The following NOL4 variants were observed in gnomAD, a reference collection of about 807,000 sequenced individuals.
NOL4 encodes the protein nucleolar protein 4.
A neutral mutation model predicts 75.9 loss-of-function variants in NOL4; 17 were observed. The ratio of observed to expected loss-of-function variants is 0.22; its 90% confidence interval spans 0.15 to 0.34. NOL4 has a LOEUF of 0.34. Ranked by LOEUF, NOL4 falls within the 10% of genes least tolerant of loss-of-function variation. The pLI is 1.00. For synonymous variants in NOL4, 292 were observed against 289.9 expected, an observed-to-expected ratio of 1.01 and a Z score of -0.07; for missense variants, 614 against 793.5, an observed-to-expected ratio of 0.77 and a Z score of 2.72.
intron 5 of NOL4, among the ~76,000 whole-genome samples, chr18:34,052,698 G>T (rs1288261442): frequency 6.6e-6 from 1 of 151,924 alleles, no homozygotes; most frequent in Non-Finnish European, 1.5e-5. Flanking sequence ...AGTACAGATG[G>T]ACAAAAACAT....
intron 9 of NOL4, among the ~76,000 whole-genome samples, chr18:33,924,785 T>C (rs1471693967): frequency 6.6e-6 from 1 of 152,178 alleles, no homozygotes; most frequent in African/African-American, 2.4e-5. Context: ...TGTTGCTACA[T>C]AGAGAACTAG....
intron 1 of NOL4, among the ~76,000 whole-genome samples, chr18:34,149,000 C>T (rs2081530040): frequency 6.6e-6 from 1 of 151,482 alleles, no homozygotes; most frequent in African/African-American, 2.4e-5. Context: ...ATATAGGGTT[C>T]CTCTGAAGAT....
intron 6 of NOL4, among the ~76,000 whole-genome samples, chr18:33,990,204 T>C (rs1039801608): frequency 6.6e-6 from 1 of 152,092 alleles, no homozygotes; most frequent in Non-Finnish European, 1.5e-5. Flanking sequence ...CTTTACAAAA[T>C]AACCTCTCTT....
At chr18:33,961,521 T>C (rs1364999470) in intron 6 of NOL4, among the ~76,000 whole-genome samples, 2 of 152,128 alleles carry the variant, frequency 1.3e-5, no homozygotes, top group South Asian at 4.1e-4. Flanking sequence ...AGCTTGCAGA[T>C]AGCAGATCAT....
chr18:34,222,671 C>A (rs963584888), intron 1 of NOL4, among the ~76,000 whole-genome samples: 3 of 146,514 alleles, frequency 2.0e-5, no homozygotes, highest in African/African-American at 4.9e-5. Flanking sequence ...GGACAATGGC[C>A]CAGCCCGAGG....
At chr18:33,883,173 A>G in intron 10 of NOL4, 71 bp downstream of exon 10, 2 of 1,140,850 alleles carry the variant, frequency 1.8e-6, no homozygotes, top group African/African-American at 1.6e-5. Flanking sequence ...AACCTGCGCA[A>G]TGTGCACATG....
chr18:33,998,870 C>T (rs866489954), intron 6 of NOL4, among the ~76,000 whole-genome samples: 25 of 152,228 alleles, frequency 1.6e-4, no homozygotes, highest in Non-Finnish European at 3.4e-4. Context: ...CCTCACTCTT[C>T]TTCCCCTTCC....
At chr18:33,989,298 A>T (rs2146088554) in intron 6 of NOL4, among the ~76,000 whole-genome samples, 1 of 151,680 alleles carries the variant, frequency 6.6e-6, no homozygotes, top group Non-Finnish European at 1.5e-5. Flanking sequence ...GCCATTCACC[A>T]TTGCATCCTA....
At chr18:33,920,583 A>T (rs73955081) in intron 9 of NOL4, among the ~76,000 whole-genome samples, 2,247 of 152,338 alleles carry the variant, frequency 0.015, 63 homozygotes, top group African/African-American at 0.051. Flanking sequence ...TTCAGATAGC[A>T]TGCTCTGAAA....
At chr18:34,111,323 T>C (rs937794104) in intron 2 of NOL4, among the ~76,000 whole-genome samples, 1 of 152,138 alleles carries the variant, frequency 6.6e-6, no homozygotes, top group Admixed American at 6.5e-5. Flanking sequence ...GTTTTAAAAA[T>C]AGGCTGCTAT....
At chr18:33,887,613 C>G (rs1362732636) in intron 9 of NOL4, among the ~76,000 whole-genome samples, 1 of 151,914 alleles carries the variant, frequency 6.6e-6, no homozygotes, top group Non-Finnish European at 1.5e-5. Context: ...TGTTCCCTGC[C>G]TTGTGTCCAT....
At chr18:33,968,318 A>T (rs1222762680) in intron 6 of NOL4, among the ~76,000 whole-genome samples, 2 of 152,176 alleles carry the variant, frequency 1.3e-5, no homozygotes, top group Admixed American at 6.5e-5. Context: ...TTTACCAAAA[A>T]GACACATGCA....
intron 1 of NOL4, among the ~76,000 whole-genome samples, chr18:34,196,840 T>A (rs1038437321): frequency 1.3e-5 from 2 of 152,096 alleles, no homozygotes; most frequent in African/African-American, 4.8e-5. Flanking sequence ...ATATATGGTA[T>A]ACAAACTATT....
intron 6 of NOL4, among the ~76,000 whole-genome samples, chr18:33,980,670 G>A (rs1247103008): frequency 6.6e-6 from 1 of 151,888 alleles, no homozygotes; most frequent in Non-Finnish European, 1.5e-5. Context: ...GTTTACTAAA[G>A]ACTAAGACCT....
rs1761088825 is a variant in NOL4 at position 34,097,943 on chromosome 18, T to C, written c.640-4346A>G. On this transcript the variant is annotated intron_variant, in intron 4 of 10. Coordinates refer to ENST00000261592, the MANE Select transcript of NOL4 (RefSeq NM_003787.5). Reference sequence around the variant, plus strand: ...ACCAACAGTTTATAAGAAGGTCAAATGATCTCATATTGGATACAGTATTTT... The same window carrying C: ...ACCAACAGTTTATAAGAAGGTCAAACGATCTCATATTGGATACAGTATTTT... Among the ~76,000 whole-genome samples, 2 of 152,210 alleles carry C rather than the reference T, an allele frequency of 1.3e-5. 1 individual carries two copies. Among genetic ancestry groups the C allele is most frequent in the South Asian group, 4.1e-4 (2 of 4,836 alleles).
intron 1 of NOL4, among the ~76,000 whole-genome samples, chr18:34,163,484 AT>A (rs1450636843): frequency 9.2e-5 from 14 of 152,142 alleles, no homozygotes; most frequent in Admixed American, 8.5e-4. Flanking sequence ...GTGAACTCCC[AT>A]TCACAACTGC....
chr18:33,885,770 C>A (rs1033308825), intron 9 of NOL4, among the ~76,000 whole-genome samples: 16 of 152,154 alleles, frequency 1.1e-4, no homozygotes, highest in African/African-American at 3.6e-4. Context: ...GGAGGTTCCT[C>A]AAAAATCTAA....
intron 1 of NOL4, among the ~76,000 whole-genome samples, chr18:34,135,279 GT>G (rs1235849605): frequency 1.3e-5 from 2 of 151,998 alleles, no homozygotes; most frequent in African/African-American, 4.8e-5. Flanking sequence ...ATAAACAAGT[GT>G]ATGTCAACAA....
At chr18:33,908,255 A>G (rs2145097540) in intron 9 of NOL4, among the ~76,000 whole-genome samples, 1 of 152,320 alleles carries the variant, frequency 6.6e-6, no homozygotes, top group South Asian at 2.1e-4. Flanking sequence ...CTTACAGAAA[A>G]CTAGCCATCA....
Sources: gnomAD v4.1 joint callset for allele counts (sites outside exome capture counted in the v4.1 genomes callset) on GRCh38, gnomAD v4.1.1 for gene constraint, MANE v1.5 for transcripts, NCBI Gene and HGNC (gene_info 2026-07-23, HGNC 2026-07-21) for gene names.